The following GLS variants were observed in gnomAD, a reference collection of about 807,000 sequenced individuals.
The protein encoded by GLS is glutaminase kidney isoform, mitochondrial.
Under a neutral mutation model 86.7 loss-of-function variants are expected in GLS, and 36 were observed. That is an observed-to-expected ratio of 0.42 (90% CI 0.32 to 0.55). The LOEUF is 0.55. GLS is among the 20% of genes least tolerant of loss of function. The pLI, the probability that GLS is intolerant of heterozygous loss-of-function variation, is 0.17. For missense variants in GLS, 528 were observed against 833.4 expected (o/e 0.63, Z 4.51); for synonymous variants, 317 against 305.9 (o/e 1.04, Z -0.38).
intron 14 of GLS, among the ~76,000 whole-genome samples, chr2:190,945,673 A>G (rs923004575): frequency 1.3e-5 from 2 of 152,002 alleles, no homozygotes; most frequent in Non-Finnish European, 2.9e-5. Flanking sequence ...TCAAAAAAAA[A>G]AAAGAAAAAA....
At chr2:190,940,326 T>C (rs2124930323) in intron 14 of GLS, among the ~76,000 whole-genome samples, 1 of 152,144 alleles carries the variant, frequency 6.6e-6, no homozygotes. Flanking sequence ...TTCATTGACA[T>C]CTGATGAAAT....
Position 190,953,608 on chromosome 2 carries a change from A to T in GLS, c.1694A>T (p.Asp565Val). The T allele has an allele frequency of 6.2e-7, 1 of 1,606,528 alleles. No individual in the cohort carries two copies. The highest frequency in any genetic ancestry group is 8.5e-7 in the Non-Finnish European group (1 of 1,173,154). ...CTTTTGTTTGCTGCATATACTGGAG[A>T]TGTGTCTGCACTTCGAAGGTATGTT... ...INLLFAAYTG[D>V]VSALRRFALS... The change falls in exon 15 of 18, where the codon GAT becomes GTT. Residue 565 changes from aspartate (D) to valine (V), a missense_variant. By Grantham distance (152) the Asp-to-Val change is radical. Transcript: ENST00000320717. The surrounding 1 kb of genome is among the most constrained non-coding windows in gnomAD (Gnocchi z 4.0).
At chr2:190,959,540 T>G (rs1690948900) in intron 17 of GLS, among the ~76,000 whole-genome samples, 1 of 152,302 alleles carries the variant, frequency 6.6e-6, no homozygotes, top group Non-Finnish European at 1.5e-5. Context: ...ATTTTGTATG[T>G]TTTTGCAGTT....
chr2:190,918,375 G>C (rs1689614596), intron 7 of GLS, among the ~76,000 whole-genome samples: 1 of 152,090 alleles, frequency 6.6e-6, no homozygotes, highest in Admixed American at 6.6e-5. Flanking sequence ...TAAACCTCAT[G>C]AATCAACCTC....
At position 190,881,261 on chromosome 2, in the gene GLS, C is replaced by T. The variant is rs1323305413; in HGVS notation, c.177C>T (p.Gly59=). ...AAAARLHPWW[G]GGGWPAEPLA... is the part of the protein sequence containing the mutation. ...CCGCGCGACTCCACCCGTGGTGGGGCGGGGGCGGCTGGCCGGCGGAGCCCC... is the reference window on the plus strand; with the variant it reads ...CCGCGCGACTCCACCCGTGGTGGGGTGGGGGCGGCTGGCCGGCGGAGCCCC... The change falls in exon 1 of 18, where the codon GGC becomes GGT. Residue 59 remains glycine, a synonymous_variant. Transcript: ENST00000320717. The T allele has an allele frequency of 7.8e-7, 1 of 1,289,520 alleles. No individual in the cohort carries two copies. The highest frequency in any genetic ancestry group is 9.8e-7 in the Non-Finnish European group (1 of 1,018,820). 79.9% of individuals were successfully genotyped at this position (1,289,520 alleles called of 1,614,324 possible). A position where few individuals can be genotyped will look rare whatever the true frequency, so the allele number is the denominator to read the frequency against.
chr2:190,939,335 T>C (rs1690361631), intron 14 of GLS, among the ~76,000 whole-genome samples: 1 of 151,756 alleles, frequency 6.6e-6, no homozygotes, highest in African/African-American at 2.4e-5. Flanking sequence ...ACTTACAAAA[T>C]GTTAAAACTT....
intron 14 of GLS, among the ~76,000 whole-genome samples, chr2:190,948,115 G>A (rs1010232517): frequency 3.9e-5 from 6 of 152,168 alleles, no homozygotes; most frequent in African/African-American, 1.4e-4. Context: ...GCCTGTGCAT[G>A]GGCTGCCTCC....
rs1346774659 is a variant in GLS, at chr2:190,927,495, TTAATC to T, written c.1425+15_1425+19del. ...GTTTGCTTTCCATGTAAGTAATTGT[TTAATC>T]TTATTTTCTCTGGCAAGAAACTAGT... On this transcript the variant is annotated intron_variant, in intron 12 of 17. Transcript: ENST00000320717. 1 of 1,575,828 alleles carries T rather than the reference TTAATC, an allele frequency of 6.3e-7. No individual in the cohort carries two copies. Among genetic ancestry groups the T allele is most frequent in the Admixed American group, 1.8e-5 (1 of 55,894 alleles).
intron 1 of GLS, among the ~76,000 whole-genome samples, chr2:190,884,820 T>C (rs1054612091): frequency 1.3e-5 from 2 of 152,202 alleles, no homozygotes; most frequent in African/African-American, 4.8e-5. Flanking sequence ...GAGGTCACTT[T>C]CCCCTTCTCA....
At chr2:190,890,755 A>T (rs1233272402) in intron 1 of GLS, among the ~76,000 whole-genome samples, 4 of 152,232 alleles carry the variant, frequency 2.6e-5, no homozygotes, top group Non-Finnish European at 5.9e-5. Flanking sequence ...AAATGAAGGC[A>T]TAAAGACTAG....
At chr2:190,948,408 T>G (rs1199984115) in intron 14 of GLS, among the ~76,000 whole-genome samples, 2 of 152,186 alleles carry the variant, frequency 1.3e-5, no homozygotes, top group Non-Finnish European at 2.9e-5. Context: ...TCTTCTATTT[T>G]GGGCCTTATT....
chr2:190,921,142 T>C lies in GLS; in HGVS notation c.1072-3T>C. 6.2e-7 allele frequency: 1 copy of C among 1,606,142 alleles called. No homozygotes were observed. Among genetic ancestry groups the C allele is most frequent in the Non-Finnish European group, 8.5e-7 (1 of 1,173,152 alleles). On this transcript the variant is annotated splice_region_variant and splice_polypyrimidine_tract_variant and intron_variant, in intron 8 of 17. Coordinates refer to ENST00000320717, the MANE Select transcript of GLS (RefSeq NM_014905.5). The surrounding 1 kb of genome is among the most constrained non-coding windows in gnomAD (Gnocchi z 4.2). ...ACTAATATTCCCTACTTTTGGTTTCTAGGTCATGCAGTTTTTGAATAAGAT... is the reference window on the plus strand; with the variant it reads ...ACTAATATTCCCTACTTTTGGTTTCCAGGTCATGCAGTTTTTGAATAAGAT...
intron 14 of GLS, chr2:190,933,620 G>T: frequency 1.1e-6 from 1 of 950,550 alleles, no homozygotes; most frequent in Non-Finnish European, 1.3e-6. Flanking sequence ...ATAATGGTTA[G>T]TTACTCAGAA....
intron 14 of GLS, among the ~76,000 whole-genome samples, chr2:190,944,337 A>T (rs1272876173): frequency 6.6e-6 from 1 of 152,084 alleles, no homozygotes; most frequent in East Asian, 1.9e-4. Context: ...GAAATGTGGA[A>T]CCTTGTCCTC....
chr2:190,958,213 T>A (rs1690908779), intron 17 of GLS, among the ~76,000 whole-genome samples: 1 of 152,230 alleles, frequency 6.6e-6, no homozygotes, highest in African/African-American at 2.4e-5. Flanking sequence ...ATTTTCTAGT[T>A]TATTTGCATA....
At chr2:190,952,410 T>A (rs1411116570) in intron 14 of GLS, among the ~76,000 whole-genome samples, 2 of 152,204 alleles carry the variant, frequency 1.3e-5, no homozygotes, top group Non-Finnish European at 2.9e-5. Flanking sequence ...GATTGAATAT[T>A]TTAAGATCAT....
chr2:190,901,428 G>T (rs1251919247), intron 4 of GLS, among the ~76,000 whole-genome samples: 1 of 151,912 alleles, frequency 6.6e-6, no homozygotes, highest in Non-Finnish European at 1.5e-5. Context: ...GAAGAGGAGG[G>T]ATTGGTCTTG....
rs58815470 is a variant in GLS, at chr2:190,957,215, C to T, written c.1853+2397C>T. On this transcript the variant is annotated intron_variant, in intron 17 of 17. Coordinates refer to ENST00000320717, the MANE Select transcript of GLS (RefSeq NM_014905.5). ...AAGCAATTCTCCTGCCTCAGCCTCC[C>T]GAGTAGCTGGGATTACAGGCGTGTG... is the stretch of plus-strand genomic sequence containing the variant. Among the ~76,000 whole-genome samples the T allele has an allele frequency of 2.2e-3, 333 of 152,264 alleles. 11 individuals carry two copies. The East Asian group carries it at 0.055, about 25-fold the overall frequency.
intron 7 of GLS, among the ~76,000 whole-genome samples, chr2:190,918,332 G>A (rs529129594): frequency 2.6e-5 from 4 of 152,122 alleles, no homozygotes; most frequent in Non-Finnish European, 5.9e-5. Context: ...GTTTCACCTT[G>A]TACTTTTATG....
Sources: allele counts gnomAD v4.1 joint callset (sites outside exome capture counted in the v4.1 genomes callset), GRCh38; gene constraint gnomAD v4.1.1; non-coding constraint Gnocchi (gnomAD v3.1); transcripts MANE v1.5; gene names NCBI Gene and HGNC (gene_info 2026-07-23, HGNC 2026-07-21).